The following ADCY8 variants were observed in gnomAD, a reference collection of about 807,000 sequenced individuals.
ADCY8 encodes adenylate cyclase type 8.
ADCY8 carries 51 observed loss-of-function variants against 119.7 expected under a neutral mutation model. That is an observed-to-expected ratio of 0.43 (90% CI 0.34 to 0.54). ADCY8 has a LOEUF of 0.54. Ranked by LOEUF, ADCY8 falls within the 20% of genes least tolerant of loss-of-function variation. The pLI is 0.03. For synonymous variants in ADCY8, 665 were observed against 651.0 expected, an observed-to-expected ratio of 1.02 and a Z score of -0.33; for missense variants, 1,383 against 1,598.8, an observed-to-expected ratio of 0.87 and a Z score of 2.30.
chr8:130,826,766 T>G, intron 12 of ADCY8, among the ~76,000 whole-genome samples: 1 of 151,892 alleles, frequency 6.6e-6, no homozygotes, highest in South Asian at 2.1e-4. Flanking sequence ...GCGGTGGGTA[T>G]TTGGGGTGGG....
intron 2 of ADCY8, among the ~76,000 whole-genome samples, chr8:130,986,755 G>A (rs1157792780): frequency 6.6e-6 from 1 of 152,192 alleles, no homozygotes; most frequent in East Asian, 1.9e-4. Context: ...TGTTAACACA[G>A]ATCTGTCAAA....
chr8:131,020,436 G>C (rs1018320530), intron 1 of ADCY8, among the ~76,000 whole-genome samples: 3 of 152,122 alleles, frequency 2.0e-5, no homozygotes, highest in African/African-American at 7.2e-5. Flanking sequence ...AGAATTGTTG[G>C]GGATGCCTTC....
chr8:130,952,915 C>T (rs1821317837), intron 2 of ADCY8, among the ~76,000 whole-genome samples: 1 of 152,208 alleles, frequency 6.6e-6, no homozygotes, highest in African/African-American at 2.4e-5. Flanking sequence ...TTACAAGGCA[C>T]TAGCTCTTTA....
chr8:130,841,764 G>T (rs952825781), intron 11 of ADCY8, among the ~76,000 whole-genome samples: 10 of 152,160 alleles, frequency 6.6e-5, no homozygotes, highest in African/African-American at 1.2e-4. Flanking sequence ...AAGAAGAAAA[G>T]AAATCAAGCA....
chr8:130,795,744 T>C (rs1340388301), intron 15 of ADCY8, among the ~76,000 whole-genome samples: 1 of 152,148 alleles, frequency 6.6e-6, no homozygotes, highest in East Asian at 1.9e-4. Context: ...GGAACTCTTC[T>C]GGGAACATGG....
chr8:131,038,591 G>A (rs1824241162), intron 1 of ADCY8, among the ~76,000 whole-genome samples: 1 of 152,088 alleles, frequency 6.6e-6, no homozygotes. Flanking sequence ...AAAAAAAGGA[G>A]GAGAAAGGAG....
intron 12 of ADCY8, among the ~76,000 whole-genome samples, chr8:130,828,869 C>G (rs889251762): frequency 6.6e-6 from 1 of 152,184 alleles, no homozygotes; most frequent in African/African-American, 2.4e-5. Flanking sequence ...AGGGTGAACA[C>G]TTTAGCACAG....
At chr8:130,783,339 G>C (rs1815146066) in intron 17 of ADCY8, among the ~76,000 whole-genome samples, 1 of 152,162 alleles carries the variant, frequency 6.6e-6, no homozygotes, top group Non-Finnish European at 1.5e-5. Flanking sequence ...CCAGCATTGA[G>C]CTACCCAGGA....
chr8:131,016,609 TAATTCAGGCAGAGGG>T (rs1586658632), intron 1 of ADCY8, among the ~76,000 whole-genome samples: 1 of 152,142 alleles, frequency 6.6e-6, no homozygotes, highest in Non-Finnish European at 1.5e-5. Flanking sequence ...GAGGAAAGGA[TAATTCAGGCAGAGGG>T]AATAGCCAGT....
intron 2 of ADCY8, among the ~76,000 whole-genome samples, chr8:130,958,516 G>A (rs1057467648): frequency 7.2e-5 from 11 of 152,100 alleles, no homozygotes; most frequent in Non-Finnish European, 1.5e-5. Context: ...GAGGTTTAAT[G>A]GATTCACAGT....
intron 5 of ADCY8, among the ~76,000 whole-genome samples, chr8:130,918,644 T>C (rs1820202810): frequency 6.6e-6 from 1 of 152,238 alleles, no homozygotes; most frequent in Non-Finnish European, 1.5e-5. Context: ...AACTTAGAAC[T>C]GTTTGAGGGA....
intron 12 of ADCY8, among the ~76,000 whole-genome samples, chr8:130,825,501 C>T (rs1816643289): frequency 1.3e-5 from 2 of 152,126 alleles, no homozygotes. Flanking sequence ...GTACTGTGCC[C>T]TGTGATTTGT....
intron 9 of ADCY8, among the ~76,000 whole-genome samples, chr8:130,855,344 A>G (rs1006961529): frequency 6.6e-6 from 1 of 152,114 alleles, no homozygotes; most frequent in Admixed American, 6.5e-5. Flanking sequence ...TCTGGGGTAA[A>G]TGGGCTACCC....
chr8:130,830,303 T>C (rs1462233879), intron 12 of ADCY8, among the ~76,000 whole-genome samples: 1 of 152,168 alleles, frequency 6.6e-6, no homozygotes, highest in Non-Finnish European at 1.5e-5. Context: ...CAGCCACGTG[T>C]ACAGTAAGGA....
intron 14 of ADCY8, among the ~76,000 whole-genome samples, chr8:130,810,931 C>T (rs1337289631): frequency 2.6e-5 from 4 of 152,114 alleles, no homozygotes; most frequent in South Asian, 2.1e-4. Flanking sequence ...CTCACTGTTT[C>T]GGTGTCTTGA....
chr8:130,785,304 A>G, intron 16 of ADCY8, 79 bp downstream of exon 16: 1 of 945,308 alleles, frequency 1.1e-6, no homozygotes, highest in South Asian at 1.9e-5. Flanking sequence ...TCTTGGTGAC[A>G]GAGGCTTCAC....
chr8:130,963,192 G>A (rs1191366860), intron 2 of ADCY8, among the ~76,000 whole-genome samples: 3 of 151,416 alleles, frequency 2.0e-5, no homozygotes, highest in Non-Finnish European at 4.4e-5. Flanking sequence ...GGAGTAAGTG[G>A]CTTAGTCCTT....
At chr8:130,894,684 C>T (rs1197911503) in intron 7 of ADCY8, among the ~76,000 whole-genome samples, 2 of 152,118 alleles carry the variant, frequency 1.3e-5, no homozygotes, top group Non-Finnish European at 1.5e-5. Flanking sequence ...TCTCTTTTGA[C>T]ACAAGGGGAA....
intron 2 of ADCY8, among the ~76,000 whole-genome samples, chr8:130,963,407 A>G (rs1296826368): frequency 1.3e-5 from 2 of 152,224 alleles, no homozygotes; most frequent in Non-Finnish European, 2.9e-5. Flanking sequence ...GTGGAGAGCT[A>G]GGGAAGGGTG....
Sources: allele counts gnomAD v4.1 joint callset (sites outside exome capture counted in the v4.1 genomes callset), GRCh38; gene constraint gnomAD v4.1.1; transcripts MANE v1.5; gene names NCBI Gene and HGNC (gene_info 2026-07-23, HGNC 2026-07-21).